MBNL1: variants seen among roughly 807,000 people sequenced by gnomAD.
MBNL1 encodes the protein muscleblind like splicing regulator 1, also known as muscleblind-like protein 1.
In MBNL1, 8 loss-of-function variants were observed where a neutral mutation model predicts 42.2. The observed-to-expected ratio is 0.19, with a 90% CI of 0.11 to 0.34. The LOEUF is 0.34. Among genes scored for constraint, MBNL1 ranks in the 10% least tolerant of loss-of-function variants. The probability of loss-of-function intolerance (pLI) is 1.00; values close to 1 mark genes in which losing one functional copy is unlikely to be tolerated. For synonymous variants in MBNL1, 169 were observed against 173.9 expected (o/e 0.97, Z 0.22); for missense variants, 309 against 495.3 (o/e 0.62, Z 3.57).
intron 2 of MBNL1, among the ~76,000 whole-genome samples, chr3:152,403,779 A>G (rs1438351561): frequency 6.6e-6 from 1 of 151,432 alleles, no homozygotes; most frequent in African/African-American, 2.4e-5. Flanking sequence ...CAATAGAAAC[A>G]TGTTCTGGGC....
intron 4 of MBNL1, among the ~76,000 whole-genome samples, chr3:152,438,942 G>A (rs1449219442): frequency 3.3e-5 from 5 of 152,056 alleles, no homozygotes; most frequent in East Asian, 1.9e-4. Flanking sequence ...CAGGGGACAC[G>A]TATTCCAGAC....
chr3:152,392,831 T>A (rs2153484235), intron 2 of MBNL1, among the ~76,000 whole-genome samples: 1 of 152,330 alleles, frequency 6.6e-6, no homozygotes, highest in East Asian at 1.9e-4. Context: ...CAGGGAAACT[T>A]TATATGAGAT....
intron 1 of MBNL1, among the ~76,000 whole-genome samples, chr3:152,286,482 ATATATTTTATTTATAATATAAATATT>A (rs2052221082): frequency 1.2e-4 from 11 of 88,374 alleles, no homozygotes; most frequent in South Asian, 7.9e-4. Flanking sequence ...TATAATATAA[ATATATTTTATTTATAATATAAATATT>A]TATATTTTAT....
chr3:152,281,094 C>G (rs988470628), intron 1 of MBNL1, among the ~76,000 whole-genome samples: 1 of 152,098 alleles, frequency 6.6e-6, no homozygotes, highest in Admixed American at 6.6e-5. Context: ...AAAATAGCTA[C>G]TTTCTTCGTA....
chr3:152,422,105 T>G (rs2098814867), intron 3 of MBNL1, among the ~76,000 whole-genome samples: 1 of 152,052 alleles, frequency 6.6e-6, no homozygotes, highest in Admixed American at 6.5e-5. Context: ...GTAAACAGGC[T>G]AAATCTCTCA....
intron 5 of MBNL1, chr3:152,446,636 T>A (rs2099230959): frequency 8.2e-7 from 1 of 1,213,232 alleles, no homozygotes; most frequent in Non-Finnish European, 1.2e-6. Context: ...CTCTGCTTGC[T>A]GTTTATGTTA....
At chr3:152,333,763 A>G (rs2087122108) in intron 2 of MBNL1, among the ~76,000 whole-genome samples, 1 of 152,240 alleles carries the variant, frequency 6.6e-6, no homozygotes, top group Non-Finnish European at 1.5e-5. Flanking sequence ...ATTTGCTGTT[A>G]TTAAATCTTA....
chr3:152,306,313 G>A (rs1350866194), intron 2 of MBNL1, among the ~76,000 whole-genome samples: 2 of 152,154 alleles, frequency 1.3e-5, no homozygotes, highest in Non-Finnish European at 2.9e-5. Flanking sequence ...TATTTCAGTC[G>A]TCTAGGTCTA....
chr3:152,346,733 A>G (rs2094304869), intron 2 of MBNL1, among the ~76,000 whole-genome samples: 1 of 152,126 alleles, frequency 6.6e-6, no homozygotes, highest in African/African-American at 2.4e-5. Context: ...AGCATTCTCA[A>G]TTTAAAACAC....
At chr3:152,395,158 C>T (rs2097876187) in intron 2 of MBNL1, among the ~76,000 whole-genome samples, 1 of 152,144 alleles carries the variant, frequency 6.6e-6, no homozygotes, top group African/African-American at 2.4e-5. Flanking sequence ...CGTGCCCGGC[C>T]TTCAGCTTTT....
intron 2 of MBNL1, among the ~76,000 whole-genome samples, chr3:152,331,889 A>C (rs1173891763): frequency 4.1e-4 from 63 of 152,060 alleles, no homozygotes; most frequent in Non-Finnish European, 1.8e-4. Flanking sequence ...ACAGGGTTTC[A>C]TTATGTTGGC....
chr3:152,460,494 T>C (rs867772705), intron 9 of MBNL1, among the ~76,000 whole-genome samples: 1 of 147,728 alleles, frequency 6.8e-6, no homozygotes, highest in Non-Finnish European at 1.5e-5. Context: ...GGGATAGCAT[T>C]GGGAGATATA....
intron 2 of MBNL1, among the ~76,000 whole-genome samples, chr3:152,324,968 A>G (rs1004818404): frequency 1.3e-5 from 2 of 150,050 alleles, no homozygotes; most frequent in African/African-American, 4.9e-5. Context: ...AGTACTTAGC[A>G]TTTTGCCATG....
chr3:152,250,669 G>A lies in MBNL1; in HGVS notation n.333+6229G>A, dbSNP rs2034366642. Among the ~76,000 whole-genome samples, 3 of 150,210 alleles carry A rather than the reference G, an allele frequency of 2.0e-5. No homozygotes were observed. In the South Asian group the frequency reaches 6.4e-4, roughly 32 times the overall value. On this transcript the variant is annotated intron_variant and non_coding_transcript_variant, in intron 2 of 2. Coordinates refer to the MBNL1 transcript ENST00000477171. ...TTCCAACACTATGTTGAATAGGAGT[G>A]GTGAGAGAGGGCATCCCTGTCTTGT...
At chr3:152,460,522 C>CTA (rs549419098) in intron 9 of MBNL1, among the ~76,000 whole-genome samples, 1,514 of 149,522 alleles carry the variant, frequency 0.01, 27 homozygotes, top group African/African-American at 0.034. Flanking sequence ...CTAGATGACA[C>CTA]GTTAGTGGGT....
At chr3:152,350,914 G>A (rs529775013) in intron 2 of MBNL1, among the ~76,000 whole-genome samples, 10 of 152,100 alleles carry the variant, frequency 6.6e-5, no homozygotes, top group African/African-American at 1.9e-4. Context: ...AATGTGTTTC[G>A]GTAACCCCCG....
chr3:152,326,052 CA>C (rs2079848992), intron 2 of MBNL1, among the ~76,000 whole-genome samples: 1 of 152,104 alleles, frequency 6.6e-6, no homozygotes. Flanking sequence ...TATACTTCTT[CA>C]GTAGTATCTC....
At chr3:152,365,427 T>A (rs1372942960) in intron 2 of MBNL1, among the ~76,000 whole-genome samples, 1 of 152,164 alleles carries the variant, frequency 6.6e-6, no homozygotes, top group Non-Finnish European at 1.5e-5. Context: ...TGTCATTATT[T>A]CTTTTCTGTC....
intron 2 of MBNL1, among the ~76,000 whole-genome samples, chr3:152,381,550 T>C (rs949540125): frequency 1.3e-5 from 2 of 152,028 alleles, no homozygotes; most frequent in African/African-American, 4.8e-5. Context: ...GTCTGTGTCG[T>C]TTCCTGGAAA....
Sources: gnomAD v4.1 joint callset for allele counts (sites outside exome capture counted in the v4.1 genomes callset) on GRCh38, gnomAD v4.1.1 for gene constraint, MANE v1.5 for transcripts, NCBI Gene and HGNC (gene_info 2026-07-23, HGNC 2026-07-21) for gene names.